ROBO2: variants seen among roughly 807,000 people sequenced by gnomAD.
The protein encoded by ROBO2 is roundabout homolog 2.
In ROBO2, 53 loss-of-function variants were observed where a neutral mutation model predicts 160.8. The ratio of observed to expected loss-of-function variants is 0.33; its 90% CI spans 0.26 to 0.41. ROBO2 has a LOEUF of 0.41. Among genes scored for constraint, ROBO2 ranks in the 10% least tolerant of loss-of-function variants. ROBO2 has a pLI of 1.00. For synonymous variants in ROBO2, 664 were observed against 611.7 expected (o/e 1.09, Z -1.26); for missense variants, 1,577 against 1,722.4 (o/e 0.92, Z 1.49).
intron 2 of ROBO2, among the ~76,000 whole-genome samples, chr3:77,175,771 C>G (rs1003014735): frequency 1.3e-5 from 2 of 152,054 alleles, no homozygotes; most frequent in African/African-American, 4.8e-5. Context: ...AGATAAGGAG[C>G]TGCTATCTGA....
intron 2 of ROBO2, among the ~76,000 whole-genome samples, chr3:77,291,328 A>G (rs1012065944): frequency 6.6e-6 from 1 of 152,024 alleles, no homozygotes; most frequent in African/African-American, 2.4e-5. Flanking sequence ...CTGAGGCTAG[A>G]TCACCCCAGA....
At chr3:76,248,512 G>C (rs963497586) in intron 2 of ROBO2, among the ~76,000 whole-genome samples, 15 of 143,988 alleles carry the variant, frequency 1.0e-4, no homozygotes, top group African/African-American at 3.9e-4. Flanking sequence ...GAGGGGGGAG[G>C]GATAGCATTG....
At chr3:76,739,212 A>G (rs1179970902) in intron 2 of ROBO2, among the ~76,000 whole-genome samples, 1 of 152,132 alleles carries the variant, frequency 6.6e-6, no homozygotes, top group Non-Finnish European at 1.5e-5. Context: ...TCACGATAGC[A>G]AAGACTTGGA....
chr3:76,714,056 G>A (rs2093342253), intron 2 of ROBO2, among the ~76,000 whole-genome samples: 1 of 151,964 alleles, frequency 6.6e-6, no homozygotes, highest in Admixed American at 6.6e-5. Context: ...AAATAGGGCG[G>A]CCTGCTTAAA....
intron 2 of ROBO2, among the ~76,000 whole-genome samples, chr3:76,674,652 T>C (rs900398947): frequency 7.2e-6 from 1 of 138,396 alleles, no homozygotes; most frequent in South Asian, 2.5e-4. Context: ...AAAGTGCAAA[T>C]TAAATAGCAC....
intron 2 of ROBO2, among the ~76,000 whole-genome samples, chr3:76,995,802 G>T (rs2060965907): frequency 6.6e-6 from 1 of 152,068 alleles, no homozygotes; most frequent in African/African-American, 2.4e-5. Flanking sequence ...GGGGTTGTTT[G>T]TTTTTTTCTT....
intron 2 of ROBO2, among the ~76,000 whole-genome samples, chr3:76,629,017 T>G (rs1342992873): frequency 1.3e-5 from 2 of 152,186 alleles, no homozygotes; most frequent in South Asian, 2.1e-4. Flanking sequence ...AGAACTGGTG[T>G]TGTTGCAATC....
chr3:77,254,911 T>C (rs1416741908), intron 2 of ROBO2, among the ~76,000 whole-genome samples: 1 of 152,220 alleles, frequency 6.6e-6, no homozygotes, highest in Non-Finnish European at 1.5e-5. Flanking sequence ...TAATGACTTT[T>C]CCATTCAACT....
intron 1 of ROBO2, among the ~76,000 whole-genome samples, chr3:75,930,139 CT>C (rs989442615): frequency 1.2e-4 from 19 of 152,162 alleles, no homozygotes; most frequent in African/African-American, 4.6e-4. Context: ...ATTTCCATTA[CT>C]TTTTTTCTTT....
chr3:77,643,117 C>T (rs950731589), intron 24 of ROBO2, among the ~76,000 whole-genome samples, 174 bp downstream of exon 26: 5 of 152,220 alleles, frequency 3.3e-5, no homozygotes, highest in Non-Finnish European at 7.3e-5. Flanking sequence ...CTGATTCCAA[C>T]GGGCATTGCT....
At chr3:76,074,251 C>T (rs1397963529) in intron 2 of ROBO2, among the ~76,000 whole-genome samples, 5 of 152,272 alleles carry the variant, frequency 3.3e-5, no homozygotes, top group Non-Finnish European at 5.9e-5. Flanking sequence ...GTCATTTTCA[C>T]GCTTCAGTTT....
At position 76,310,712 on chromosome 3, in the gene ROBO2, A is replaced by G. The variant is rs149279876; in HGVS notation, c.109+373110A>G. On this transcript the variant is annotated intron_variant, in intron 2 of 26. Coordinates refer to the ROBO2 transcript ENST00000487694. ...AGATTAACTACCCTCTGTGCATACT[A>G]TATTTTGCTCAGCCCTTAATATTCT... Among the ~76,000 whole-genome samples, 282 of 152,288 alleles carry G rather than the reference A, an allele frequency of 1.9e-3. 2 individuals carry two copies. Among genetic ancestry groups the G allele is most frequent in the African/African-American group, 6.5e-3 (269 of 41,546 alleles).
At chr3:77,525,059 C>T (rs73105339) in intron 6 of ROBO2, among the ~76,000 whole-genome samples, 6,064 of 151,324 alleles carry the variant, frequency 0.04, 161 homozygotes, top group Non-Finnish European at 0.058. Flanking sequence ...CTGTTATCTA[C>T]GACTTATTTT....
intron 2 of ROBO2, among the ~76,000 whole-genome samples, chr3:76,261,206 A>AG (rs1440775745): frequency 0.36 from 48,819 of 136,372 alleles, 11,345 homozygotes; most frequent in Non-Finnish European, 0.45. Flanking sequence ...GTGTGTGTAT[A>AG]TATATATATA....
At chr3:77,164,897 G>GC (rs1397604787) in intron 2 of ROBO2, among the ~76,000 whole-genome samples, 3 of 99,322 alleles carry the variant, frequency 3.0e-5, no homozygotes, top group South Asian at 6.5e-4. Flanking sequence ...GGGGGGGTCA[G>GC]CCCCCCGCCC....
intron 2 of ROBO2, among the ~76,000 whole-genome samples, chr3:76,900,564 C>T (rs976182752): frequency 5.9e-5 from 9 of 152,102 alleles, no homozygotes; most frequent in Admixed American, 6.6e-5. Context: ...GGGTAAGAAA[C>T]AATGTTGGTT....
chr3:77,553,889 TCAA>T (rs2093015804), intron 8 of ROBO2, among the ~76,000 whole-genome samples: 2 of 29,640 alleles, frequency 6.7e-5, no homozygotes, highest in South Asian at 2.1e-3. Flanking sequence ...GGAAGCTTTA[TCAA>T]GTTATTCAAG....
At chr3:77,340,097 C>T (rs1242664904) in intron 2 of ROBO2, among the ~76,000 whole-genome samples, 2 of 152,072 alleles carry the variant, frequency 1.3e-5, no homozygotes, top group African/African-American at 4.8e-5. Context: ...CAAAACTGTC[C>T]TATGTTCTTT....
chr3:76,785,763 C>T (rs934721277), intron 2 of ROBO2, among the ~76,000 whole-genome samples: 9 of 151,202 alleles, frequency 6.0e-5, no homozygotes, highest in Admixed American at 4.6e-4. Context: ...AGAGTGCCAA[C>T]TAAGTCAGCC....
Sources: allele counts gnomAD v4.1 joint callset (sites outside exome capture counted in the v4.1 genomes callset), GRCh38; gene constraint gnomAD v4.1.1; transcripts MANE v1.5; gene names NCBI Gene and HGNC (gene_info 2026-07-23, HGNC 2026-07-21).